VILL: variants seen among roughly 807,000 people sequenced by gnomAD.
The protein encoded by VILL is villin-like protein.
A neutral mutation model predicts 106.3 loss-of-function variants in VILL; 102 were observed. That is an observed-to-expected ratio of 0.96 (90% CI 0.82 to 1.13). VILL has a LOEUF of 1.13. VILL is among the 50% of genes most tolerant of loss of function. The pLI is 0.00. For synonymous variants in VILL, 431 were observed against 440.3 expected (o/e 0.98, Z 0.27); for missense variants, 1,076 against 1,116.6 (o/e 0.96, Z 0.52).
chr3:38,006,266 C>T lies in VILL; in HGVS notation c.2205+14C>T. The T allele has an allele frequency of 6.2e-7, 1 of 1,614,102 alleles. No homozygotes were observed. The highest frequency in any genetic ancestry group is 8.5e-7 in the Non-Finnish European group (1 of 1,180,020). Reference sequence around the variant, plus strand: ...GAGATAACAGCAGTGAGTCCTGGGGCCCCTAGCCTTCCCCACAGTGGCCTG... The same window carrying T: ...GAGATAACAGCAGTGAGTCCTGGGGTCCCTAGCCTTCCCCACAGTGGCCTG... On this transcript the variant is annotated intron_variant, in intron 18 of 19. Transcript: ENST00000383759.
chr3:38,001,106 C>A, intron 11 of VILL: 1 of 511,184 alleles, frequency 2.0e-6, no homozygotes. Context: ...CCTTTCCGCC[C>A]GGCTTCTGTT....
Position 38,007,162 on chromosome 3 carries a change from G to A in VILL, c.*107G>A. The A allele has an allele frequency of 1.1e-6, 1 of 920,150 alleles. No homozygotes were observed. Among genetic ancestry groups the A allele is most frequent in the Non-Finnish European group, 1.7e-6 (1 of 587,404 alleles). 57.0% of individuals were successfully genotyped at this position (920,150 alleles called of 1,614,324 possible). A position where few individuals can be genotyped will look rare whatever the true frequency, so the allele number is the denominator to read the frequency against. ...AGAGGCTTTTGGTCATCCTCTGCGT[G>A]TCAGTAAAAGCAGGCAGCCCATACG... On this transcript the variant is annotated 3_prime_UTR_variant, in exon 20 of 20. Coordinates refer to ENST00000383759, the MANE Select transcript of VILL (RefSeq NM_015873.4).
chr3:37,996,275 G>A (rs1402962330), intron 5 of VILL, among the ~76,000 whole-genome samples: 4 of 152,170 alleles, frequency 2.6e-5, no homozygotes, highest in Admixed American at 6.5e-5. Context: ...GAGAGGTGGT[G>A]CATAACCTCG....
At position 37,997,666 on chromosome 3, in the gene VILL, G is replaced by T; in HGVS notation, c.745G>T (p.Ala249Ser). Residue 249 changes from alanine (A) to serine (S), a missense_variant, in exon 7 of 20, where the codon GCC becomes TCC. Coordinates refer to ENST00000383759, the MANE Select transcript of VILL (RefSeq NM_015873.4). The surrounding 1 kb of genome is among the most constrained non-coding windows in gnomAD (Gnocchi z 4.7). ...CAAGGATATCAACCAGCTGCAGAAG[G>T]CCAATGTTCGCCTGTACCAGTGAGT... The part of the protein sequence containing the change: ...PSKDINQLQK[A>S]NVRLYHVYEK... 1 of 1,374,504 alleles carries T rather than the reference G, an allele frequency of 7.3e-7. No homozygotes were observed. The allele number at this position is 1,374,504 out of a possible 1,614,324, so 85.1% of individuals were successfully genotyped here. A position where few individuals can be genotyped will look rare whatever the true frequency, so the allele number is the denominator to read the frequency against.
In VILL at chr3:37,994,472, T is replaced by A. The variant is rs755386813; in HGVS notation, c.341+6T>A. ...TACTTCCGCCCGGGAATCATGTGAG[T>A]GCGGGGGCGACCGGGGCAGGAGGGA... On this transcript the variant is annotated splice_donor_region_variant and intron_variant, in intron 4 of 19. Coordinates refer to ENST00000383759, the MANE Select transcript of VILL (RefSeq NM_015873.4). The A allele has an allele frequency of 1.2e-6, 2 of 1,611,088 alleles. No individual in the cohort carries two copies. The highest frequency in any genetic ancestry group is 1.7e-6 in the Non-Finnish European group (2 of 1,179,414).
At chr3:37,993,755 A>T in intron 2 of VILL, 23 bp downstream of exon 2, 1 of 1,613,154 alleles carries the variant, frequency 6.2e-7, no homozygotes, top group Non-Finnish European at 8.5e-7. Flanking sequence ...ACCAAATAGG[A>T]GAGTTGGTGA....
chr3:38,006,411 TC>T, intron 18 of VILL, 37 bp from the exon 19 acceptor site: 6 of 1,578,596 alleles, frequency 3.8e-6, no homozygotes, highest in Non-Finnish European at 5.2e-6. Flanking sequence ...GGCTACTGAT[TC>T]CCCATCTTCC....
intron 11 of VILL, among the ~76,000 whole-genome samples, 157 bp downstream of exon 11, chr3:37,999,596 C>G (rs1026954231): frequency 9.2e-5 from 14 of 152,186 alleles, no homozygotes; most frequent in Admixed American, 7.2e-4. Context: ...ACTCTCCTAG[C>G]AGGCAGTTCA....
intron 3 of VILL, 23 bp from the exon 4 acceptor site, chr3:37,994,238 A>G (rs1464620027): frequency 6.3e-7 from 1 of 1,590,000 alleles, no homozygotes; most frequent in South Asian, 1.1e-5. Flanking sequence ...CGCAACACAT[A>G]TACACAAACA....
chr3:37,994,146 A>ATCTCCGCGGAAGCCCCTGCCTAGCG (rs1203082403), intron 3 of VILL, 115 bp from the exon 4 acceptor site: 1 of 1,419,804 alleles, frequency 7.0e-7, no homozygotes, highest in African/African-American at 1.4e-5. Flanking sequence ...CCACTTCCTG[A>ATCTCCGCGGAAGCCCCTGCCTAGCG]TCTCCGCGGA....
chr3:37,990,513 C>A (rs760021142), upstream of VILL, among the ~76,000 whole-genome samples: 1 of 152,208 alleles, frequency 6.6e-6, no homozygotes, highest in Non-Finnish European at 1.5e-5. The surrounding 1 kb of genome is among the most constrained non-coding windows in gnomAD (Gnocchi z 5.1). Context: ...ATCTTCCACA[C>A]CCCACCTCTT....
At position 38,007,106 on chromosome 3, in the gene VILL, A is replaced by T. The variant is rs780754249; in HGVS notation, c.*51A>T. On this transcript the variant is annotated 3_prime_UTR_variant, in exon 20 of 20. Transcript: ENST00000383759. Reference sequence around the variant, plus strand: ...TCCCCTGGACCCCAACATACCTACAATGCTGGGGAGGCCCTGCTTCCACTC... The same window carrying T: ...TCCCCTGGACCCCAACATACCTACATTGCTGGGGAGGCCCTGCTTCCACTC... 6.9e-7 allele frequency: 1 copy of T among 1,452,674 alleles called. No individual in the cohort carries two copies. The allele number at this position is 1,452,674 out of a possible 1,614,324, so 90.0% of individuals were successfully genotyped here.
At chr3:38,001,659 G>A (rs748205327) in intron 12 of VILL, 43 bp from the exon 13 acceptor site, 1 of 1,613,496 alleles carries the variant, frequency 6.2e-7, no homozygotes, top group Non-Finnish European at 8.5e-7. Flanking sequence ...GGAGTGAAAT[G>A]TGAGAGCTGG....
intron 11 of VILL, among the ~76,000 whole-genome samples, chr3:38,000,507 G>C (rs1188740772): frequency 6.6e-6 from 1 of 152,104 alleles, no homozygotes; most frequent in Non-Finnish European, 1.5e-5. Flanking sequence ...TACACAGAGA[G>C]AGACAGAGAG....
At chr3:37,989,026 G>A (rs1396474080), upstream of VILL, among the ~76,000 whole-genome samples, 2 of 152,182 alleles carry the variant, frequency 1.3e-5, no homozygotes, top group Non-Finnish European at 2.9e-5. Context: ...TGGTCGTAGC[G>A]GCCAGGCAGA....
chr3:37,999,000 T>G lies in VILL; in HGVS notation c.1031T>G (p.Phe344Cys), dbSNP rs1699759484. ...GAGTCGGCCGCGTTCAAGCAGCTCT[T>G]CCGGACTTGGTCTGAGAAGCGGCGC... ...GAESAAFKQL[F>C]RTWSEKRRRN... Residue 344 changes from phenylalanine to cysteine, a missense_variant, in exon 10 of 20, where the codon TTC (phenylalanine) becomes TGC (cysteine). Phe to Cys is a radical substitution (Grantham distance 205). Transcript: ENST00000383759. The surrounding 1 kb of genome is among the most constrained non-coding windows in gnomAD (Gnocchi z 4.1). 1.2e-6 allele frequency: 2 copies of G among 1,602,900 alleles called. No homozygotes were observed. The highest frequency in any genetic ancestry group is 2.7e-5 in the African/African-American group (2 of 73,510).
At chr3:38,001,680 C>T (rs1699818911) in intron 12 of VILL, 22 bp from the exon 13 acceptor site, 4 of 1,613,964 alleles carry the variant, frequency 2.5e-6, no homozygotes, top group Non-Finnish European at 3.4e-6. Flanking sequence ...GCCAGGCCCT[C>T]ACTCACTGCC....
chr3:37,991,835 TTGG>T, intron 1 of VILL, among the ~76,000 whole-genome samples: 1 of 151,428 alleles, frequency 6.6e-6, no homozygotes, highest in Non-Finnish European at 1.5e-5. Flanking sequence ...GCAGGAGGGC[TTGG>T]GAGGCTGGAG....
chr3:37,996,362 T>G (rs1405512536), intron 5 of VILL, among the ~76,000 whole-genome samples: 1 of 152,222 alleles, frequency 6.6e-6, no homozygotes, highest in Non-Finnish European at 1.5e-5. Context: ...GGTGCTCCTC[T>G]GGTCCATAGA....
Sources: allele counts gnomAD v4.1 joint callset (sites outside exome capture counted in the v4.1 genomes callset), GRCh38; gene constraint gnomAD v4.1.1; non-coding constraint Gnocchi (gnomAD v3.1); transcripts MANE v1.5; gene names NCBI Gene and HGNC (gene_info 2026-07-23, HGNC 2026-07-21).